Variants in PHKB observed in about 807,000 individuals in gnomAD.
PHKB encodes the protein phosphorylase b kinase regulatory subunit beta.
PHKB carries 122 observed loss-of-function variants against 152.1 expected under a neutral mutation model. The ratio of observed to expected loss-of-function variants is 0.80; its 90% confidence interval spans 0.69 to 0.93. PHKB has a LOEUF of 0.93. Among genes scored for constraint, PHKB ranks in the 40% least tolerant of loss-of-function variants. The pLI is 0.00. For missense variants in PHKB, 1,304 were observed against 1,328.4 expected (o/e 0.98, Z 0.29); for synonymous variants, 436 against 464.9 (o/e 0.94, Z 0.80).
chr16:47,660,246 CAG>C (rs1363493657), intron 20 of PHKB, among the ~76,000 whole-genome samples: 13 of 152,138 alleles, frequency 8.5e-5, no homozygotes, highest in Admixed American at 5.2e-4. Flanking sequence ...ATTCTAAGAA[CAG>C]AGAGTCCATC....
At chr16:47,540,087 ATAATAT>A (rs1192913405) in intron 6 of PHKB, among the ~76,000 whole-genome samples, 2 of 152,148 alleles carry the variant, frequency 1.3e-5, no homozygotes, top group East Asian at 1.9e-4. Flanking sequence ...TTCCTAGCAA[ATAATAT>A]TAATATTAAG....
In PHKB at chr16:47,660,526, G is replaced by T. The variant is rs751852176; in HGVS notation, c.1992G>T (p.Val664=). ...DRLQTLISGA[V]VEQLDFLRIS... ...TTCAGACACTAATATCTGGAGCTGT[G>T]GTAGAACAACTTGATTTCCTACGAA... Residue 664 remains valine (V), a synonymous_variant, in exon 21 of 31, where the codon GTG becomes GTT. Coordinates refer to ENST00000323584, the MANE Select transcript of PHKB (RefSeq NM_000293.3). 1.9e-6 allele frequency: 3 copies of T among 1,613,406 alleles called. No homozygotes were observed. Among genetic ancestry groups the T allele is most frequent in the Non-Finnish European group, 2.5e-6 (3 of 1,179,452 alleles).
At chr16:47,515,485 T>C in intron 5 of PHKB, 36 bp from the exon 6 acceptor site, 1 of 943,890 alleles carries the variant, frequency 1.1e-6, no homozygotes, top group Non-Finnish European at 1.8e-6. Context: ...GTTTTGGTTG[T>C]TTCCTTTAAC....
chr16:47,533,214 C>T (rs1409512815), intron 6 of PHKB, among the ~76,000 whole-genome samples: 3 of 152,176 alleles, frequency 2.0e-5, no homozygotes, highest in Non-Finnish European at 2.9e-5. Flanking sequence ...CATCCCGATG[C>T]CTGCTCAGCT....
chr16:47,647,746 C>T (rs1247186679), intron 16 of PHKB, among the ~76,000 whole-genome samples: 1 of 152,128 alleles, frequency 6.6e-6, no homozygotes, highest in African/African-American at 2.4e-5. Flanking sequence ...ATCTGCCCGC[C>T]TCGGCTTCCC....
At chr16:47,686,988 A>G (rs1973976252) in intron 26 of PHKB, among the ~76,000 whole-genome samples, 2 of 152,210 alleles carry the variant, frequency 1.3e-5, no homozygotes, top group South Asian at 4.1e-4. Flanking sequence ...TTGAATCATG[A>G]CATAAAACAA....
At position 47,688,161 on chromosome 16, in the gene PHKB, G is replaced by A. The variant is rs1039663107; in HGVS notation, c.2631-880G>A. 2.0e-4 allele frequency among the ~76,000 whole-genome samples: 31 copies of A among 152,306 alleles called. No homozygotes were observed. The East Asian group carries it at 2.7e-3, about 13-fold the overall frequency. ...TTCTTTCCAGATGCTCAGTTGCACT[G>A]CCTCTCTTTGTGCAGTGTTCACTGA... On this transcript the variant is annotated intron_variant, in intron 26 of 30. Transcript: ENST00000323584.
Position 47,699,249 on chromosome 16 carries a change from C to A in PHKB, c.3165C>A (p.Tyr1055Ter). 1.9e-6 allele frequency: 3 copies of A among 1,613,944 alleles called. No homozygotes were observed. Among genetic ancestry groups the A allele is most frequent in the Non-Finnish European group, 2.5e-6 (3 of 1,179,852 alleles). ...IEKQDDMTSF[Y>*]NTPPLGKRGT... ...TGTAGGATGACATGACTTCCTTTTA[C>A]AACACTCCTCCCCTGGGAAAAAGAG... The change falls in exon 31 of 31, where the codon TAC becomes TAA. Residue 1055 changes from tyrosine (Y) to a stop codon, truncating the protein, a stop_gained. Coordinates refer to ENST00000323584, the MANE Select transcript of PHKB (RefSeq NM_000293.3). LOFTEE classifies it high-confidence loss of function.
chr16:47,571,067 T>C (rs372166541), intron 7 of PHKB, among the ~76,000 whole-genome samples: 1 of 152,168 alleles, frequency 6.6e-6, no homozygotes, highest in African/African-American at 2.4e-5. Flanking sequence ...TTCTTGGTTA[T>C]AGAGAATCTG....
intron 7 of PHKB, among the ~76,000 whole-genome samples, chr16:47,577,918 CCT>C (rs1397264997): frequency 2.0e-5 from 3 of 151,910 alleles, no homozygotes; most frequent in African/African-American, 7.3e-5. Flanking sequence ...TCTGCTTTGC[CCT>C]CTGTCTCTCT....
At chr16:47,491,852 C>T (rs993984849) in intron 1 of PHKB, among the ~76,000 whole-genome samples, 2 of 152,128 alleles carry the variant, frequency 1.3e-5, no homozygotes, top group Non-Finnish European at 2.9e-5. Context: ...TCTGGCGCCC[C>T]GTGTTTTTCC....
chr16:47,666,373 C>T (rs114051490), intron 25 of PHKB, among the ~76,000 whole-genome samples: 10 of 152,242 alleles, frequency 6.6e-5, no homozygotes, highest in African/African-American at 1.4e-4. Flanking sequence ...CAGCAAAGGG[C>T]GCATCTTCCC....
chr16:47,687,527 CTGT>C (rs1414138111), intron 26 of PHKB, among the ~76,000 whole-genome samples: 1 of 152,154 alleles, frequency 6.6e-6, no homozygotes, highest in African/African-American at 2.4e-5. Context: ...GTTACATGTT[CTGT>C]TGTTGTATAT....
intron 1 of PHKB, among the ~76,000 whole-genome samples, chr16:47,486,281 G>T (rs776027021): frequency 6.6e-6 from 1 of 152,140 alleles, no homozygotes; most frequent in Non-Finnish European, 1.5e-5. Flanking sequence ...AATATTTACC[G>T]AGAACCTCCT....
chr16:47,634,547 G>A (rs1242027528), intron 14 of PHKB, among the ~76,000 whole-genome samples: 1 of 152,216 alleles, frequency 6.6e-6, no homozygotes, highest in Non-Finnish European at 1.5e-5. Context: ...ATAAGGTAAA[G>A]TGGTAGACTG....
At chr16:47,609,666 C>T (rs370631496) in intron 13 of PHKB, among the ~76,000 whole-genome samples, 1 of 151,664 alleles carries the variant, frequency 6.6e-6, no homozygotes, top group Non-Finnish European at 1.5e-5. Flanking sequence ...TGTGTCTTTC[C>T]GGGAATAATT....
chr16:47,492,862 T>G (rs915594732), intron 1 of PHKB, among the ~76,000 whole-genome samples: 3 of 152,164 alleles, frequency 2.0e-5, no homozygotes, highest in African/African-American at 7.2e-5. Flanking sequence ...TGCTAAACTG[T>G]TGTAGGACTT....
chr16:47,569,537 C>G (rs1971623314), intron 7 of PHKB, among the ~76,000 whole-genome samples: 1 of 152,164 alleles, frequency 6.6e-6, no homozygotes, highest in African/African-American at 2.4e-5. Flanking sequence ...GCTACTCTTG[C>G]AGTCATCATA....
intron 1 of PHKB, among the ~76,000 whole-genome samples, chr16:47,467,253 A>T (rs1288622478): frequency 2.6e-5 from 4 of 152,256 alleles, no homozygotes. Flanking sequence ...TAGCCATTTT[A>T]AGTAAATCTG....
Sources: allele counts gnomAD v4.1 joint callset (sites outside exome capture counted in the v4.1 genomes callset), GRCh38; gene constraint gnomAD v4.1.1; transcripts MANE v1.5; gene names NCBI Gene and HGNC (gene_info 2026-07-23, HGNC 2026-07-21).